Variants in ZFHX4 observed in about 807,000 individuals in gnomAD.
ZFHX4 encodes the protein zinc finger homeobox protein 4.
Under a neutral mutation model 267.6 loss-of-function variants are expected in ZFHX4, and 56 were observed. That is an observed-to-expected ratio of 0.21 (90% confidence interval 0.17 to 0.26). The LOEUF (loss-of-function observed/expected upper bound fraction) is 0.26, where lower values mean the gene tolerates loss of function less well. Among genes scored for constraint, ZFHX4 ranks in the 10% least tolerant of loss-of-function variants. ZFHX4 has a pLI of 1.00. For missense variants in ZFHX4, 4,332 were observed against 4,420.0 expected, an observed-to-expected ratio of 0.98 and a Z score of 0.56; for synonymous variants, 1,778 against 1,665.6, an observed-to-expected ratio of 1.07 and a Z score of -1.64.
At chr8:76,856,357 C>A in intron 10 of ZFHX4, 57 bp downstream of exon 10, 1 of 1,584,452 alleles carries the variant, frequency 6.3e-7, no homozygotes, top group South Asian at 1.1e-5. Context: ...GGTAGACAGT[C>A]ACATGTAACC....
intron 5 of ZFHX4, among the ~76,000 whole-genome samples, chr8:76,835,153 A>G (rs766002589): frequency 1.2e-4 from 18 of 144,084 alleles, no homozygotes; most frequent in Admixed American, 4.3e-4. Context: ...TAATTATTGA[A>G]TTCATTGGAT....
chr8:76,856,353 C>T, intron 10 of ZFHX4, 53 bp downstream of exon 10: 2 of 1,593,172 alleles, frequency 1.3e-6, no homozygotes, highest in South Asian at 1.1e-5. Context: ...ATCAGGTAGA[C>T]AGTCACATGT....
intron 3 of ZFHX4, among the ~76,000 whole-genome samples, chr8:76,717,610 T>G (rs1230264808): frequency 6.6e-6 from 1 of 152,252 alleles, no homozygotes; most frequent in Non-Finnish European, 1.5e-5. Context: ...TCTTTTTCTT[T>G]TTTTGAGATA....
chr8:76,773,007 T>C (rs80105843), intron 3 of ZFHX4, among the ~76,000 whole-genome samples: 5,623 of 152,204 alleles, frequency 0.037, 106 homozygotes, highest in East Asian at 0.064. Context: ...AGGTTATATT[T>C]GTTTATTTTG....
chr8:76,763,166 C>T (rs1463619202), intron 3 of ZFHX4, among the ~76,000 whole-genome samples: 2 of 152,210 alleles, frequency 1.3e-5, no homozygotes, highest in East Asian at 3.9e-4. Flanking sequence ...AGCTTTGCTA[C>T]TTTTAATATA....
chr8:76,798,158 A>T (rs550602935), intron 4 of ZFHX4, among the ~76,000 whole-genome samples: 1 of 152,294 alleles, frequency 6.6e-6, no homozygotes, highest in African/African-American at 2.4e-5. Context: ...ACTAAAACAG[A>T]TATAAACGTG....
intron 1 of ZFHX4, among the ~76,000 whole-genome samples, chr8:76,702,749 G>C (rs1808137003): frequency 6.6e-6 from 1 of 152,100 alleles, no homozygotes; most frequent in South Asian, 2.1e-4. Context: ...GAAGTTATGA[G>C]ACTCTTCAAA....
At chr8:76,786,687 A>G (rs1332204922) in intron 4 of ZFHX4, among the ~76,000 whole-genome samples, 3 of 152,290 alleles carry the variant, frequency 2.0e-5, no homozygotes, top group Non-Finnish European at 4.4e-5. Flanking sequence ...TTTATGTAAC[A>G]TGTAATAATT....
intron 4 of ZFHX4, among the ~76,000 whole-genome samples, chr8:76,799,837 A>G (rs527399991): frequency 9.2e-5 from 14 of 152,250 alleles, no homozygotes; most frequent in African/African-American, 2.6e-4. Context: ...GCCTTATTCT[A>G]TGTAATGTCT....
At chr8:76,847,861 A>G (rs1422676081) in intron 6 of ZFHX4, among the ~76,000 whole-genome samples, 1 of 152,100 alleles carries the variant, frequency 6.6e-6, no homozygotes, top group Non-Finnish European at 1.5e-5. Context: ...GATTGAAAAA[A>G]AATCAAGATA....
chr8:76,770,242 A>C (rs576786339), intron 3 of ZFHX4, among the ~76,000 whole-genome samples: 1 of 152,256 alleles, frequency 6.6e-6, no homozygotes, highest in African/African-American at 2.4e-5. Context: ...CATATAGCAC[A>C]TCCTTTTCCC....
rs138245942 is a variant in ZFHX4 at position 76,747,933 on chromosome 8, AAAACAAAC to A, written c.3094-30247_3094-30240del. Among the ~76,000 whole-genome samples, 913 of 150,938 alleles carry A rather than the reference AAAACAAAC, an allele frequency of 6.0e-3. 8 individuals are homozygous for A. Among genetic ancestry groups the A allele is most frequent in the Middle Eastern group, 0.024 (7 of 292 alleles). Reference sequence around the variant, plus strand: ...GGGCAACAGAGCGAGGCTCTATCTCAAAACAAACAAACAAACAAACAAACAAACAAACA... The same window carrying A: ...GGGCAACAGAGCGAGGCTCTATCTCAAAACAAACAAACAAACAAACAAACA... On this transcript the variant is annotated intron_variant, in intron 3 of 10. Coordinates refer to ENST00000651372, the MANE Select transcript of ZFHX4 (RefSeq NM_024721.5).
chr8:76,809,958 C>A (rs1811335353), intron 4 of ZFHX4, among the ~76,000 whole-genome samples: 1 of 152,090 alleles, frequency 6.6e-6, no homozygotes, highest in East Asian at 1.9e-4. Flanking sequence ...CAAGTCCTAT[C>A]ATTAAACTTC....
In ZFHX4 at chr8:76,863,429, G is replaced by C. The variant is rs1227663100; in HGVS notation, c.9715G>C (p.Asp3239His). The change falls in exon 11 of 11, where the codon GAT becomes CAT. Residue 3239 changes from aspartate (D) to histidine (H), a missense_variant. By Grantham distance (81) the Asp-to-His change is moderately conservative. This residue lies in a region of ZFHX4 where 1,648 missense variants were observed against 1,625.0 expected (regional missense o/e 1.01). Coordinates refer to ENST00000651372, the MANE Select transcript of ZFHX4 (RefSeq NM_024721.5). ...CAAAGTTGTAGGTGAAACACATGTC[G>C]ATCCTATTCAGTTGCAGGCATTACA... ...LGKVVGETHV[D>H]PIQLQALQNA... The C allele has an allele frequency of 6.2e-7, 1 of 1,613,878 alleles. No homozygotes were observed. Among genetic ancestry groups the C allele is most frequent in the South Asian group, 1.1e-5 (1 of 91,076 alleles).
chr8:76,849,515 T>C lies in ZFHX4; in HGVS notation c.3649T>C (p.Tyr1217His). 6.2e-7 allele frequency: 1 copy of C among 1,612,558 alleles called. No homozygotes were observed. Among genetic ancestry groups the C allele is most frequent in the Admixed American group, 1.7e-5 (1 of 60,028 alleles). The change falls in exon 8 of 11, where the codon TAT (tyrosine) becomes CAT (histidine). Residue 1217 changes from tyrosine (Y) to histidine (H), a missense_variant. Tyr to His is a moderately conservative substitution (Grantham distance 83, BLOSUM62 2). Transcript: ENST00000651372. ...ATGTTTATTCAATATTTTCCAGTTC[T>C]ATCAATGTCCTTATTGTAACTACAA... ...EDNKFCHEQF[Y>H]QCPYCNYNSR... is the part of the protein sequence containing the mutation.
intron 3 of ZFHX4, among the ~76,000 whole-genome samples, chr8:76,744,680 T>C (rs772940846): frequency 7.9e-5 from 12 of 152,046 alleles, no homozygotes; most frequent in Non-Finnish European, 1.6e-4. Flanking sequence ...CCCAAAGAGG[T>C]GGGATTACAG....
chr8:76,803,716 T>G (rs951562196), intron 4 of ZFHX4, among the ~76,000 whole-genome samples: 1 of 152,096 alleles, frequency 6.6e-6, no homozygotes, highest in African/African-American at 2.4e-5. Flanking sequence ...GAAGTCAATA[T>G]AAATAGGGCA....
chr8:76,782,100 A>ATT lies in ZFHX4; in HGVS notation c.3325+3684_3325+3685dup, dbSNP rs77420241. 4.0e-3 allele frequency: 941 copies of ATT among 236,564 alleles called. 3 individuals are homozygous for ATT. Among genetic ancestry groups the ATT allele is most frequent in the East Asian group, 9.8e-3 (66 of 6,762 alleles). 14.7% of individuals were successfully genotyped at this position (236,564 alleles called of 1,614,324 possible). A position where few individuals can be genotyped will look rare whatever the true frequency, so the allele number is the denominator to read the frequency against. On this transcript the variant is annotated intron_variant, in intron 4 of 10. Transcript: ENST00000651372. Reference sequence around the variant, plus strand: ...GCTGGATATGATGCTTCAGTTAAGAATTTTTTTTTTTTTTTTTTTTTTTTG... The same window carrying ATT: ...GCTGGATATGATGCTTCAGTTAAGAATTTTTTTTTTTTTTTTTTTTTTTTTTG...
intron 4 of ZFHX4, among the ~76,000 whole-genome samples, chr8:76,817,588 A>G (rs984611293): frequency 6.6e-6 from 1 of 152,224 alleles, no homozygotes; most frequent in African/African-American, 2.4e-5. Flanking sequence ...AATTAAATGC[A>G]TACAACTTGC....
Sources: allele counts gnomAD v4.1 joint callset (sites outside exome capture counted in the v4.1 genomes callset), GRCh38; gene constraint gnomAD v4.1.1; regional missense constraint gnomAD v4.1.1; transcripts MANE v1.5; gene names NCBI Gene and HGNC (gene_info 2026-07-23, HGNC 2026-07-21).